The following FAT3 variants were observed in gnomAD, a reference collection of about 807,000 sequenced individuals.
FAT3 encodes the protein FAT atypical cadherin 3.
FAT3 carries 95 observed loss-of-function variants against 310.2 expected under a neutral mutation model. The ratio of observed to expected loss-of-function variants is 0.31; its 90% CI spans 0.26 to 0.36. The LOEUF is 0.36. Among genes scored for constraint, FAT3 ranks in the 10% least tolerant of loss-of-function variants. FAT3 has a pLI of 1.00. For missense variants in FAT3, 5,408 were observed against 5,715.6 expected (o/e 0.95, Z 1.74); for synonymous variants, 2,314 against 2,192.9 (o/e 1.06, Z -1.54).
chr11:92,624,321 C>T (rs996083495), intron 3 of FAT3, among the ~76,000 whole-genome samples: 1 of 152,074 alleles, frequency 6.6e-6, no homozygotes, highest in Non-Finnish European at 1.5e-5. Context: ...GTCTGACGGA[C>T]TTAGGAAGCC....
At chr11:92,782,533 C>G (rs551928036) in intron 7 of FAT3, among the ~76,000 whole-genome samples, 1 of 152,156 alleles carries the variant, frequency 6.6e-6, no homozygotes, top group South Asian at 2.1e-4. Flanking sequence ...GATCACACCA[C>G]TATACTCCAA....
intron 17 of FAT3, among the ~76,000 whole-genome samples, chr11:92,838,872 C>G (rs1283071103): frequency 6.6e-6 from 1 of 152,208 alleles, no homozygotes; most frequent in East Asian, 1.9e-4. Context: ...GGTTCCCACC[C>G]CTTTGTCAGC....
At chr11:92,478,934 C>CTCTTTCTTTCTT (rs199741658) in intron 2 of FAT3, among the ~76,000 whole-genome samples, 1 of 114,524 alleles carries the variant, frequency 8.7e-6, no homozygotes, top group Non-Finnish European at 1.8e-5. Flanking sequence ...TTCTTTCCTT[C>CTCTTTCTTTCTT]TCTTTCTTTC....
intron 2 of FAT3, among the ~76,000 whole-genome samples, chr11:92,425,644 T>G (rs1013873010): frequency 3.3e-5 from 5 of 152,180 alleles, no homozygotes; most frequent in Admixed American, 3.3e-4. Context: ...TGTTTGGTTT[T>G]CTGTTCCTGT....
intron 1 of FAT3, among the ~76,000 whole-genome samples, chr11:92,247,643 A>G (rs898654422): frequency 6.6e-6 from 1 of 151,974 alleles, no homozygotes; most frequent in Non-Finnish European, 1.5e-5. Flanking sequence ...GCATTGACGA[A>G]CATTTGCTGG....
At chr11:92,608,598 A>C (rs1940415387) in intron 3 of FAT3, among the ~76,000 whole-genome samples, 1 of 152,054 alleles carries the variant, frequency 6.6e-6, no homozygotes, top group Non-Finnish European at 1.5e-5. Context: ...AGCTTTTAGA[A>C]TGGGCTACCT....
intron 22 of FAT3, among the ~76,000 whole-genome samples, chr11:92,880,316 G>T (rs1949644134): frequency 6.8e-6 from 1 of 146,658 alleles, no homozygotes; most frequent in East Asian, 2.0e-4. Context: ...AGGAGAAGGG[G>T]CACACGAGAT....
chr11:92,676,392 C>T (rs770090438), intron 3 of FAT3, among the ~76,000 whole-genome samples: 6 of 152,162 alleles, frequency 3.9e-5, no homozygotes, highest in Non-Finnish European at 7.3e-5. Context: ...CAGTGTCACA[C>T]AGAAATCAAA....
chr11:92,703,186 A>G (rs1437309024), intron 4 of FAT3, among the ~76,000 whole-genome samples: 1 of 152,126 alleles, frequency 6.6e-6, no homozygotes, highest in Non-Finnish European at 1.5e-5. Context: ...ATTGTTCTTT[A>G]TTAAGTTTTT....
At chr11:92,670,037 C>T (rs1223095090) in intron 3 of FAT3, among the ~76,000 whole-genome samples, 1 of 152,142 alleles carries the variant, frequency 6.6e-6, no homozygotes, top group Non-Finnish European at 1.5e-5. Context: ...TCAAATGGCA[C>T]AAAAATTATT....
At chr11:92,832,769 G>A (rs945593000) in intron 14 of FAT3, among the ~76,000 whole-genome samples, 1 of 152,150 alleles carries the variant, frequency 6.6e-6, no homozygotes, top group African/African-American at 2.4e-5. Context: ...GAGCCTCCGT[G>A]TGCAACTGTC....
intron 3 of FAT3, among the ~76,000 whole-genome samples, chr11:92,690,932 T>A (rs1482544939): frequency 6.6e-6 from 1 of 152,224 alleles, no homozygotes; most frequent in Non-Finnish European, 1.5e-5. Flanking sequence ...CGTACTTAAC[T>A]GATATTTTTA....
intron 2 of FAT3, among the ~76,000 whole-genome samples, chr11:92,452,780 T>C (rs918809568): frequency 2.0e-5 from 3 of 152,184 alleles, no homozygotes; most frequent in African/African-American, 7.2e-5. Context: ...TTATATTTTT[T>C]GAGACAGTGT....
chr11:92,507,889 A>G (rs1454139276), intron 2 of FAT3, among the ~76,000 whole-genome samples: 1 of 152,022 alleles, frequency 6.6e-6, no homozygotes, highest in Non-Finnish European at 1.5e-5. Context: ...AACCGAATCA[A>G]CCAAACCTAA....
intron 3 of FAT3, among the ~76,000 whole-genome samples, chr11:92,592,929 G>T: frequency 6.6e-6 from 1 of 151,884 alleles, no homozygotes; most frequent in Non-Finnish European, 1.5e-5. Flanking sequence ...TTTTCATTTT[G>T]CAAAACTGAA....
intron 2 of FAT3, among the ~76,000 whole-genome samples, chr11:92,519,717 C>T (rs1179056361): frequency 4.6e-5 from 7 of 152,034 alleles, no homozygotes; most frequent in Admixed American, 4.6e-4. Context: ...AACACTTAAC[C>T]TACGATAACT....
intron 4 of FAT3, among the ~76,000 whole-genome samples, chr11:92,720,452 T>C (rs1379961047): frequency 1.3e-5 from 2 of 152,224 alleles, no homozygotes; most frequent in East Asian, 3.8e-4. Flanking sequence ...GAGAGCTACA[T>C]AGTTCGTTTC....
chr11:92,293,956 G>A (rs374846934), intron 1 of FAT3, among the ~76,000 whole-genome samples: 1 of 151,934 alleles, frequency 6.6e-6, no homozygotes, highest in African/African-American at 2.4e-5. Flanking sequence ...TTTCCAATGG[G>A]GCAGCTTTTC....
chr11:92,614,590 A>G (rs1239588732), intron 3 of FAT3, among the ~76,000 whole-genome samples: 4 of 152,170 alleles, frequency 2.6e-5, no homozygotes, highest in East Asian at 1.9e-4. Context: ...ATAGCCGCTC[A>G]TTTGGTATTC....
Sources: gnomAD v4.1 joint callset for allele counts (sites outside exome capture counted in the v4.1 genomes callset) on GRCh38, gnomAD v4.1.1 for gene constraint, MANE v1.5 for transcripts, NCBI Gene and HGNC (gene_info 2026-07-23, HGNC 2026-07-21) for gene names.